Variants in PDE4D observed in about 807,000 individuals in gnomAD.
The protein encoded by PDE4D is phosphodiesterase 4D, also known as 3',5'-cyclic-AMP phosphodiesterase 4D.
A neutral mutation model predicts 87.4 loss-of-function variants in PDE4D; 24 were observed. The ratio of observed to expected loss-of-function variants is 0.27; its 90% CI spans 0.20 to 0.39. PDE4D has a LOEUF of 0.39. PDE4D is among the 10% of genes least tolerant of loss of function. The pLI is 1.00. For synonymous variants in PDE4D, 384 were observed against 383.2 expected (o/e 1.00, Z -0.02); for missense variants, 714 against 1,041.0 (o/e 0.69, Z 4.32).
intron 1 of PDE4D, among the ~76,000 whole-genome samples, chr5:59,646,507 AATATT>A (rs750360409): frequency 1.4e-4 from 21 of 152,346 alleles, no homozygotes; most frequent in Middle Eastern, 3.4e-3. Flanking sequence ...AAAAATTTAA[AATATT>A]ATATTCCTTA....
Position 59,622,346 on chromosome 5 carries a change from T to C in PDE4D, c.455+270822A>G, listed in dbSNP as rs539210950. Among the ~76,000 whole-genome samples the C allele has an allele frequency of 2.0e-5, 3 of 152,340 alleles. No homozygotes were observed. In the East Asian group the frequency reaches 5.8e-4, roughly 29 times the overall value. Reference sequence around the variant, plus strand: ...TTAAAAGGTCTTAATTCTAATTTGCTGTGAAAAGTCATGCCAGAGTTATTA... The same window carrying C: ...TTAAAAGGTCTTAATTCTAATTTGCCGTGAAAAGTCATGCCAGAGTTATTA... On this transcript the variant is annotated intron_variant, in intron 1 of 14. Coordinates refer to ENST00000340635, the MANE Select transcript of PDE4D (RefSeq NM_001104631.2).
chr5:59,200,722 T>C (rs887504676), intron 2 of PDE4D, among the ~76,000 whole-genome samples: 2 of 139,370 alleles, frequency 1.4e-5, no homozygotes, highest in South Asian at 2.2e-4. Context: ...TATACATACA[T>C]ATGTGTATGT....
At chr5:59,589,591 G>A (rs111544770) in intron 1 of PDE4D, among the ~76,000 whole-genome samples, 1,713 of 152,194 alleles carry the variant, frequency 0.011, 30 homozygotes, top group African/African-American at 0.039. Flanking sequence ...CCTTTGTAAT[G>A]AACATCATTT....
intron 1 of PDE4D, among the ~76,000 whole-genome samples, chr5:59,756,611 T>C (rs886082362): frequency 3.3e-5 from 5 of 151,746 alleles, no homozygotes; most frequent in Non-Finnish European, 7.4e-5. Context: ...TTTTCCACTA[T>C]GGCAATCAAA....
intron 1 of PDE4D, among the ~76,000 whole-genome samples, chr5:59,532,163 A>C (rs1814351897): frequency 6.6e-6 from 1 of 152,090 alleles, no homozygotes; most frequent in African/African-American, 2.4e-5. Context: ...TTGAGATGGA[A>C]TATCACTCTC....
chr5:60,202,528 C>T (rs1742038039), intron 1 of PDE4D, among the ~76,000 whole-genome samples: 1 of 151,846 alleles, frequency 6.6e-6, no homozygotes, highest in African/African-American at 2.4e-5. Context: ...ATATACAATA[C>T]AACCTGGGAA....
At chr5:59,332,453 A>G (rs1057397068) in intron 1 of PDE4D, among the ~76,000 whole-genome samples, 11 of 152,272 alleles carry the variant, frequency 7.2e-5, no homozygotes, top group South Asian at 4.1e-4. Flanking sequence ...ACTCTTAGAT[A>G]ATGTCTAGTT....
intron 1 of PDE4D, among the ~76,000 whole-genome samples, chr5:59,374,986 T>C (rs1408513828): frequency 6.6e-6 from 1 of 152,208 alleles, no homozygotes; most frequent in East Asian, 1.9e-4. Flanking sequence ...TTGAAACAAA[T>C]GAGAACAAAG....
chr5:60,226,432 G>GA (rs1365211379), intron 1 of PDE4D, among the ~76,000 whole-genome samples: 4 of 151,948 alleles, frequency 2.6e-5, no homozygotes, highest in Admixed American at 6.6e-5. Context: ...GAGAACCAAA[G>GA]AAAAAACCCA....
At chr5:60,141,121 T>C (rs1009984242) in intron 2 of PDE4D, among the ~76,000 whole-genome samples, 3 of 152,092 alleles carry the variant, frequency 2.0e-5, no homozygotes, top group Admixed American at 6.6e-5. Flanking sequence ...TATAGGAAAA[T>C]TGGCCCCCCT....
At chr5:59,548,668 T>C (rs1817654705) in intron 1 of PDE4D, among the ~76,000 whole-genome samples, 1 of 152,132 alleles carries the variant, frequency 6.6e-6, no homozygotes, top group African/African-American at 2.4e-5. Flanking sequence ...TGATTAGTTG[T>C]TTTTAAAAAC....
At chr5:60,522,078 G>C (rs950282517) in exon 1 of PDE4D, 7 of 152,096 alleles carry the variant, frequency 4.6e-5, no homozygotes, top group Non-Finnish European at 7.4e-5. Context: ...TCAACTTCTG[G>C]AGAACATTTC....
At chr5:59,660,372 T>A (rs759978533) in intron 1 of PDE4D, among the ~76,000 whole-genome samples, 1 of 152,194 alleles carries the variant, frequency 6.6e-6, no homozygotes, top group Non-Finnish European at 1.5e-5. Flanking sequence ...CTTTTCTAAG[T>A]TTTGTTTTTA....
At chr5:59,848,326 G>A (rs201187748) in intron 1 of PDE4D, among the ~76,000 whole-genome samples, 1 of 152,016 alleles carries the variant, frequency 6.6e-6, no homozygotes, top group East Asian at 1.9e-4. Flanking sequence ...AAGGTGTTCT[G>A]ACAACTCACC....
intron 1 of PDE4D, among the ~76,000 whole-genome samples, chr5:59,517,768 T>C (rs1048334937): frequency 1.3e-5 from 2 of 152,230 alleles, no homozygotes; most frequent in African/African-American, 4.8e-5. Context: ...GGAGTGTTAT[T>C]GTTCTTCACG....
intron 1 of PDE4D, among the ~76,000 whole-genome samples, chr5:59,754,235 CAGG>C (rs1319516149): frequency 2.0e-5 from 3 of 152,134 alleles, no homozygotes; most frequent in East Asian, 3.9e-4. Context: ...GAGGCTGAGG[CAGG>C]AGAATTGCTT....
intron 1 of PDE4D, among the ~76,000 whole-genome samples, chr5:59,380,059 A>G (rs1435326421): frequency 6.6e-6 from 1 of 152,134 alleles, no homozygotes; most frequent in Non-Finnish European, 1.5e-5. Context: ...GGTAGGAGTA[A>G]TTTTGAGGCT....
At chr5:60,392,075 C>T (rs1762593766) in intron 1 of PDE4D, among the ~76,000 whole-genome samples, 1 of 152,154 alleles carries the variant, frequency 6.6e-6, no homozygotes. Flanking sequence ...AACCTACTGA[C>T]AGGACTATTA....
chr5:60,082,452 A>G (rs1025506195), intron 2 of PDE4D, among the ~76,000 whole-genome samples: 3 of 152,164 alleles, frequency 2.0e-5, no homozygotes, highest in African/African-American at 7.2e-5. Flanking sequence ...CACCTAATCT[A>G]TAGTAATTTA....
Sources: allele counts gnomAD v4.1 joint callset (sites outside exome capture counted in the v4.1 genomes callset), GRCh38; gene constraint gnomAD v4.1.1; transcripts MANE v1.5; gene names NCBI Gene and HGNC (gene_info 2026-07-23, HGNC 2026-07-21).